Variants in NID1 observed in about 807,000 individuals in gnomAD.
The protein encoded by NID1 is nidogen 1.
NID1 carries 76 observed loss-of-function variants against 130.6 expected under a neutral mutation model. That is an observed-to-expected ratio of 0.58 (90% CI 0.48 to 0.70). The LOEUF (loss-of-function observed/expected upper bound fraction) is 0.70. Among genes scored for constraint, NID1 ranks in the 30% least tolerant of loss-of-function variants. The pLI is 0.00. For missense variants in NID1, 1,517 were observed against 1,664.8 expected (o/e 0.91, Z 1.54); for synonymous variants, 665 against 675.1 (o/e 0.98, Z 0.23).
intron 14 of NID1, among the ~76,000 whole-genome samples, chr1:235,988,952 G>A (rs1284478309): frequency 1.3e-5 from 2 of 151,818 alleles, no homozygotes; most frequent in Non-Finnish European, 2.9e-5. Flanking sequence ...GGTGATAGTT[G>A]CATAACATTG....
rs757234752 is a variant in NID1, at chr1:236,038,202, T to C, written c.1187A>G (p.Gln396Arg). Residue 396 changes from glutamine to arginine, a missense_variant, in exon 5 of 20, where the codon CAG (glutamine) becomes CGG (arginine). By Grantham distance (43) the Gln-to-Arg change is conservative. Around this residue, in one of 3 missense-constraint regions of NID1, gnomAD observed 1,329 missense variants for 1,429.2 expected, o/e 0.93. Transcript: ENST00000264187. ...SRQTCANNRH[Q>R]CSVHAECRDY... ...CCTGCACTCTGCGTGCACCGAGCAC[T>C]GGTGTCTGTTGTTAGCACACGTCTG... 6.2e-7 allele frequency: 1 copy of C among 1,613,828 alleles called. No homozygotes were observed. The highest frequency in any genetic ancestry group is 1.1e-5 in the South Asian group (1 of 91,052).
At chr1:236,053,219 C>T (rs1004810308) in intron 1 of NID1, among the ~76,000 whole-genome samples, 23 of 151,880 alleles carry the variant, frequency 1.5e-4, no homozygotes, top group African/African-American at 3.9e-4. Flanking sequence ...TTATTTATTT[C>T]AATGTTTAAT....
intron 5 of NID1, among the ~76,000 whole-genome samples, chr1:236,033,687 G>A (rs1203573729): frequency 1.3e-5 from 2 of 152,110 alleles, no homozygotes; most frequent in Admixed American, 1.3e-4. Flanking sequence ...ATTGATCTGG[G>A]ATACCATTTT....
chr1:236,017,613 T>C (rs1658639254), intron 9 of NID1, among the ~76,000 whole-genome samples: 1 of 152,224 alleles, frequency 6.6e-6, no homozygotes, highest in African/African-American at 2.4e-5. Context: ...CTCAAACTCC[T>C]GACCTCGTGA....
At chr1:236,050,205 T>C (rs1351674149) in intron 1 of NID1, among the ~76,000 whole-genome samples, 1 of 152,202 alleles carries the variant, frequency 6.6e-6, no homozygotes, top group Non-Finnish European at 1.5e-5. Flanking sequence ...CCAAAATCAG[T>C]CCTTTTAATT....
intron 5 of NID1, among the ~76,000 whole-genome samples, chr1:236,032,902 G>A (rs1054472516): frequency 1.3e-5 from 2 of 152,168 alleles, no homozygotes; most frequent in African/African-American, 4.8e-5. Context: ...CACGAAAGCT[G>A]TCTCCACGGA....
At chr1:236,012,575 A>AG (rs1418495041) in intron 11 of NID1, among the ~76,000 whole-genome samples, 8 of 143,410 alleles carry the variant, frequency 5.6e-5, no homozygotes, top group East Asian at 2.2e-4. Context: ...AAAAAAAAAA[A>AG]AAAAAAGAAA....
chr1:236,048,924 G>A lies in NID1; in HGVS notation c.291C>T (p.Phe97=), dbSNP rs768248533. ...GGGCGACTGCACCGAATGTTGGTGGGAAGAGCCCGGGATGGGATTCTTTGG... is the reference window on the plus strand; with the variant it reads ...GGGCGACTGCACCGAATGTTGGTGGAAAGAGCCCGGGATGGGATTCTTTGG... ...PPAKESHPGL[F]PPTFGAVAPF... The change falls in exon 2 of 20, where the codon TTC becomes TTT. Residue 97 remains phenylalanine (F), a synonymous_variant. Transcript: ENST00000264187. The A allele has an allele frequency of 6.2e-7, 1 of 1,614,040 alleles. No homozygotes were observed. Among genetic ancestry groups the A allele is most frequent in the African/African-American group, 1.3e-5 (1 of 74,926 alleles).
In NID1 at chr1:235,977,959, C is replaced by A; in HGVS notation, c.3652G>T (p.Gly1218Cys). The change falls in exon 20 of 20, where the codon GGC becomes TGC. Residue 1218 changes from glycine to cysteine, a missense_variant. Coordinates refer to ENST00000264187, the MANE Select transcript of NID1 (RefSeq NM_002508.3). ...GHNYCSVNNG[G>C]CTHLCLATPG... ...GTGGCCAAGCATAGGTGGGTGCAGCCGCCATTGTTCACTGAGCAGTAGTTA... is the reference window on the plus strand; with the variant it reads ...GTGGCCAAGCATAGGTGGGTGCAGCAGCCATTGTTCACTGAGCAGTAGTTA... 6.2e-7 allele frequency: 1 copy of A among 1,614,126 alleles called. No homozygotes were observed. The highest frequency in any genetic ancestry group is 8.5e-7 in the Non-Finnish European group (1 of 1,180,008).
chr1:236,057,752 G>A (rs1408958332), intron 1 of NID1, among the ~76,000 whole-genome samples: 1 of 149,948 alleles, frequency 6.7e-6, no homozygotes, highest in Non-Finnish European at 1.5e-5. Context: ...AGAGAGAAAG[G>A]AAAGGAAAAA....
At chr1:236,041,795 T>C in intron 4 of NID1, 115 bp downstream of exon 4, 1 of 1,351,872 alleles carries the variant, frequency 7.4e-7, no homozygotes, top group East Asian at 2.3e-5. Flanking sequence ...TTTCCCAAGC[T>C]CTTATCTTTA....
At chr1:235,978,871 A>T (rs1274796830) in intron 19 of NID1, 124 bp downstream of exon 19, 7 of 651,284 alleles carry the variant, frequency 1.1e-5, no homozygotes, top group Non-Finnish European at 8.3e-6. Flanking sequence ...CTGGATGCAA[A>T]GGACTGGATC....
chr1:235,997,666 G>A (rs1657966486), intron 12 of NID1, among the ~76,000 whole-genome samples: 1 of 148,924 alleles, frequency 6.7e-6, no homozygotes, highest in South Asian at 2.1e-4. Context: ...GAGTGAAGTG[G>A]CCTGATCTCA....
intron 12 of NID1, among the ~76,000 whole-genome samples, chr1:236,001,027 C>A (rs1449131126): frequency 6.6e-6 from 1 of 152,142 alleles, no homozygotes; most frequent in Non-Finnish European, 1.5e-5. Context: ...GGGTTCTGAG[C>A]ATGCACCTCT....
chr1:236,044,418 A>C (rs1558446423), intron 3 of NID1, among the ~76,000 whole-genome samples: 1 of 152,130 alleles, frequency 6.6e-6, no homozygotes, highest in African/African-American at 2.4e-5. Context: ...TATTAAACCT[A>C]TTTTATCTTT....
At position 236,013,636 on chromosome 1, in the gene NID1, T is replaced by C. The variant is rs898848603; in HGVS notation, c.2255-76A>G. 98 of 1,568,210 alleles carry C rather than the reference T, an allele frequency of 6.2e-5. 1 individual carries two copies. The South Asian group carries it at 9.9e-4, about 16-fold the overall frequency. On this transcript the variant is annotated intron_variant, in intron 10 of 19. Coordinates refer to ENST00000264187, the MANE Select transcript of NID1 (RefSeq NM_002508.3). ...AGGCCACATGCCCCTCCCAGCTCTA[T>C]AAAGAGAGACCATGCCTGGACCCTA... is the stretch of plus-strand genomic sequence containing the variant.
At chr1:236,031,064 A>G in intron 6 of NID1, among the ~76,000 whole-genome samples, 1 of 152,172 alleles carries the variant, frequency 6.6e-6, no homozygotes, top group South Asian at 2.1e-4. Flanking sequence ...AAGAAAAAAC[A>G]TTAGGCCAAA....
At chr1:235,989,904 G>T (rs1287500998) in intron 14 of NID1, among the ~76,000 whole-genome samples, 2 of 152,232 alleles carry the variant, frequency 1.3e-5, no homozygotes, top group East Asian at 3.8e-4. Context: ...GGTAAGTGAG[G>T]TGAGAGTGGT....
intron 13 of NID1, 78 bp downstream of exon 13, chr1:235,993,566 GC>G: frequency 7.8e-7 from 1 of 1,284,662 alleles, no homozygotes; most frequent in Non-Finnish European, 1.1e-6. Flanking sequence ...CAGCAGAAGA[GC>G]AAAGAGCGTG....
Sources: allele counts gnomAD v4.1 joint callset (sites outside exome capture counted in the v4.1 genomes callset), GRCh38; gene constraint gnomAD v4.1.1; regional missense constraint gnomAD v4.1.1; transcripts MANE v1.5; gene names NCBI Gene and HGNC (gene_info 2026-07-23, HGNC 2026-07-21).